PPA1: variants seen among roughly 807,000 people sequenced by gnomAD.
PPA1 encodes the protein inorganic pyrophosphatase 1, also known as inorganic pyrophosphatase.
A neutral mutation model predicts 41.8 loss-of-function variants in PPA1; 23 were observed. The ratio of observed to expected loss-of-function variants is 0.55; its 90% CI spans 0.40 to 0.78. PPA1 has a LOEUF of 0.78. Ranked by LOEUF, PPA1 falls within the 30% of genes least tolerant of loss-of-function variation. The pLI, the probability that PPA1 is intolerant of heterozygous loss-of-function variation, is 0.00. For synonymous variants in PPA1, 101 were observed against 116.8 expected, an observed-to-expected ratio of 0.86 and a Z score of 0.87; for missense variants, 320 against 361.6, an observed-to-expected ratio of 0.89 and a Z score of 0.93.
chr10:70,210,796 C>T (rs1196942406), intron 6 of PPA1, among the ~76,000 whole-genome samples: 2 of 150,338 alleles, frequency 1.3e-5, no homozygotes, highest in African/African-American at 2.4e-5. Context: ...GAAGGAGTCT[C>T]GCTCTGTCTC....
intron 2 of PPA1, among the ~76,000 whole-genome samples, chr10:70,226,317 G>A (rs573892050): frequency 2.0e-5 from 3 of 152,126 alleles, no homozygotes; most frequent in Non-Finnish European, 2.9e-5. Flanking sequence ...GCGCACACCT[G>A]TAATCCCAGC....
intron 4 of PPA1, among the ~76,000 whole-genome samples, chr10:70,215,823 G>C (rs1840074413): frequency 6.6e-6 from 1 of 152,114 alleles, no homozygotes; most frequent in African/African-American, 2.4e-5. Context: ...CACTGACCAG[G>C]AGCCCGGACT....
intron 5 of PPA1, among the ~76,000 whole-genome samples, chr10:70,213,956 C>T (rs1564582276): frequency 1.3e-5 from 2 of 152,092 alleles, no homozygotes; most frequent in South Asian, 4.2e-4. Flanking sequence ...GCAAGTCATA[C>T]GATGACTCAA....
chr10:70,221,075 TA>T (rs1272212283), intron 2 of PPA1, among the ~76,000 whole-genome samples: 201 of 15,140 alleles, frequency 0.013, 13 homozygotes, highest in South Asian at 0.033. Context: ...TATATATATA[TA>T]TTTTTTTTTT....
chr10:70,217,698 A>G, intron 4 of PPA1, 114 bp downstream of exon 4: 1 of 935,982 alleles, frequency 1.1e-6, no homozygotes, highest in Non-Finnish European at 1.5e-6. Flanking sequence ...TATGTTTTCA[A>G]AATCTACCAT....
chr10:70,220,682 A>T lies in PPA1; in HGVS notation c.124-1865T>A, dbSNP rs1321562985. Among the ~76,000 whole-genome samples, 3 of 6,362 alleles carry T rather than the reference A, an allele frequency of 4.7e-4. 1 individual carries two copies. The highest frequency in any genetic ancestry group is 6.2e-4 in the Non-Finnish European group (3 of 4,826). The allele number at this position is 6,362 out of a possible 152,430, so 4.2% of individuals were successfully genotyped here. A position where few individuals can be genotyped will look rare whatever the true frequency, so the allele number is the denominator to read the frequency against. Reference sequence around the variant, plus strand: ...ATTATATATAATTTATATATATATAATATATATAATTTATATATATATAAT... The same window carrying T: ...ATTATATATAATTTATATATATATATTATATATAATTTATATATATATAAT... On this transcript the variant is annotated intron_variant, in intron 2 of 10. Transcript: ENST00000373232.
intron 5 of PPA1, 150 bp from the exon 6 acceptor site, chr10:70,213,739 G>A: frequency 1.1e-6 from 1 of 924,600 alleles, no homozygotes; most frequent in Non-Finnish European, 1.6e-6. Flanking sequence ...AAACCTAAAT[G>A]AGTAAATGTT....
intron 2 of PPA1, among the ~76,000 whole-genome samples, chr10:70,222,521 CAA>C (rs1467960947): frequency 6.6e-6 from 1 of 151,980 alleles, no homozygotes; most frequent in Non-Finnish European, 1.5e-5. Flanking sequence ...TTTTAACTCC[CAA>C]AGAGTTGGAT....
chr10:70,206,043 A>G (rs376351461), intron 9 of PPA1: 2 of 528,704 alleles, frequency 3.8e-6, no homozygotes, highest in African/African-American at 1.9e-5. Context: ...CTACCATGCT[A>G]TCTGTCCAAC....
intron 9 of PPA1, 86 bp downstream of exon 9, chr10:70,206,178 G>T: frequency 9.4e-7 from 1 of 1,062,414 alleles, no homozygotes. Flanking sequence ...TCAAGTATTT[G>T]TCGAAACAAG....
chr10:70,228,532 A>T (rs1840257076), intron 2 of PPA1, among the ~76,000 whole-genome samples: 2 of 152,200 alleles, frequency 1.3e-5, no homozygotes, highest in South Asian at 4.1e-4. Flanking sequence ...ATTATACAAC[A>T]AGCAGATAAT....
chr10:70,209,976 G>A, intron 6 of PPA1: 1 of 366,392 alleles, frequency 2.7e-6, no homozygotes, highest in Non-Finnish European at 5.0e-6. Context: ...AGTAATCTCT[G>A]TTAGGTAAGG....
At chr10:70,219,803 C>T (rs1053322699) in intron 2 of PPA1, among the ~76,000 whole-genome samples, 1 of 152,140 alleles carries the variant, frequency 6.6e-6, no homozygotes, top group Non-Finnish European at 1.5e-5. Context: ...ACCCATTTTG[C>T]ACACTGGAGT....
At chr10:70,212,411 C>A (rs1840031160) in intron 6 of PPA1, among the ~76,000 whole-genome samples, 1 of 152,170 alleles carries the variant, frequency 6.6e-6, no homozygotes, top group Non-Finnish European at 1.5e-5. Flanking sequence ...CAGCATTACA[C>A]AGCCAAAACA....
At chr10:70,204,577 A>T (rs1273738882) in intron 10 of PPA1, 1 of 276,700 alleles carries the variant, frequency 3.6e-6, no homozygotes, top group African/African-American at 2.2e-5. Context: ...TAGTTAGACA[A>T]AAGGAATAAG....
chr10:70,228,154 G>A (rs1840252804), intron 2 of PPA1, among the ~76,000 whole-genome samples: 1 of 152,176 alleles, frequency 6.6e-6, no homozygotes, highest in South Asian at 2.1e-4. Context: ...GGGACAGGGC[G>A]TGCCAAGGGC....
chr10:70,232,079 G>A (rs186576074), intron 1 of PPA1, among the ~76,000 whole-genome samples: 351 of 152,316 alleles, frequency 2.3e-3, no homozygotes, highest in Non-Finnish European at 4.0e-3. Flanking sequence ...AAAATGGAGA[G>A]TGGGGGGTAG....
intron 2 of PPA1, among the ~76,000 whole-genome samples, chr10:70,220,923 T>TCTTATATATATAATATATAC (rs1564584419): frequency 0.015 from 54 of 3,638 alleles, 6 homozygotes; most frequent in African/African-American, 0.076. Flanking sequence ...TATATATAAT[T>TCTTATATATATAATATATAC]TTTATATATA....
At chr10:70,230,011 C>T (rs574608779) in intron 2 of PPA1, among the ~76,000 whole-genome samples, 1 of 152,186 alleles carries the variant, frequency 6.6e-6, no homozygotes, top group South Asian at 2.1e-4. Context: ...CAGGCACAAG[C>T]GATCCTCTCA....
Sources: allele counts gnomAD v4.1 joint callset (sites outside exome capture counted in the v4.1 genomes callset), GRCh38; gene constraint gnomAD v4.1.1; transcripts MANE v1.5; gene names NCBI Gene and HGNC (gene_info 2026-07-23, HGNC 2026-07-21).